Variants in TTLL11 observed in about 807,000 individuals in gnomAD.
TTLL11 encodes tubulin tyrosine ligase like 11.
In TTLL11, 42 loss-of-function variants were observed where a neutral mutation model predicts 51.7. The ratio of observed to expected loss-of-function variants is 0.81; its 90% CI spans 0.64 to 1.05. The LOEUF (loss-of-function observed/expected upper bound fraction) is 1.05, where lower values mean the gene tolerates loss of function less well. TTLL11 is among the 50% of genes least tolerant of loss of function. TTLL11 has a pLI of 0.00. For missense variants in TTLL11, 799 were observed against 940.4 expected, an observed-to-expected ratio of 0.85 and a Z score of 1.97; for synonymous variants, 381 against 383.5, an observed-to-expected ratio of 0.99 and a Z score of 0.08.
At chr9:121,928,666 C>T (rs1840840245) in intron 6 of TTLL11, among the ~76,000 whole-genome samples, 1 of 151,960 alleles carries the variant, frequency 6.6e-6, no homozygotes, top group Non-Finnish European at 1.5e-5. Context: ...TTCTTGATTT[C>T]CTGACCTCAT....
At chr9:121,891,942 T>C (rs1236695467) in intron 6 of TTLL11, among the ~76,000 whole-genome samples, 1 of 148,170 alleles carries the variant, frequency 6.7e-6, no homozygotes, top group Non-Finnish European at 1.5e-5. Flanking sequence ...TGATAATATA[T>C]ATACACATAT....
chr9:121,954,024 C>T (rs1190787751), intron 6 of TTLL11, among the ~76,000 whole-genome samples: 3 of 152,156 alleles, frequency 2.0e-5, no homozygotes, highest in African/African-American at 7.2e-5. Context: ...CAGAGCTGGC[C>T]GAGGGAGCTT....
At chr9:121,864,219 G>A (rs1453617183) in intron 7 of TTLL11, among the ~76,000 whole-genome samples, 1 of 152,214 alleles carries the variant, frequency 6.6e-6, no homozygotes, top group African/African-American at 2.4e-5. Flanking sequence ...GGCTTGGACA[G>A]CAATGAATTG....
chr9:122,047,110 G>A (rs1014208212), intron 1 of TTLL11, among the ~76,000 whole-genome samples: 2 of 152,126 alleles, frequency 1.3e-5, no homozygotes, highest in African/African-American at 4.8e-5. Flanking sequence ...GTCACATCTG[G>A]GGAGCCTGAG....
At chr9:121,984,920 G>T (rs1245839249) in intron 4 of TTLL11, among the ~76,000 whole-genome samples, 5 of 152,136 alleles carry the variant, frequency 3.3e-5, no homozygotes, top group Non-Finnish European at 7.4e-5. Context: ...CCTCAAGAAG[G>T]CTGACATGAG....
intron 6 of TTLL11, among the ~76,000 whole-genome samples, chr9:121,875,495 G>C (rs199687603): frequency 1.3e-5 from 2 of 152,142 alleles, no homozygotes; most frequent in East Asian, 3.9e-4. Flanking sequence ...ATAACCTCAC[G>C]ATGAAAAGAG....
chr9:122,025,190 A>G (rs555265738), intron 3 of TTLL11, among the ~76,000 whole-genome samples: 11 of 152,226 alleles, frequency 7.2e-5, no homozygotes, highest in South Asian at 2.1e-4. Context: ...GTGAACAGAC[A>G]TTTCATCAAA....
At chr9:122,011,777 A>AT (rs1843798295) in intron 3 of TTLL11, among the ~76,000 whole-genome samples, 1 of 152,224 alleles carries the variant, frequency 6.6e-6, no homozygotes, top group Non-Finnish European at 1.5e-5. Flanking sequence ...TAAGTCCAAA[A>AT]TTATGTCAAA....
intron 8 of TTLL11, among the ~76,000 whole-genome samples, chr9:121,852,001 T>A (rs908884387): frequency 6.6e-6 from 1 of 152,224 alleles, no homozygotes; most frequent in African/African-American, 2.4e-5. Flanking sequence ...CATCTTCATG[T>A]GCCTGTGACG....
At chr9:121,997,677 C>T (rs1421255220) in intron 3 of TTLL11, among the ~76,000 whole-genome samples, 1 of 152,174 alleles carries the variant, frequency 6.6e-6, no homozygotes, top group Non-Finnish European at 1.5e-5. Context: ...TCTTATGGTA[C>T]TATTTTTAGC....
intron 6 of TTLL11, among the ~76,000 whole-genome samples, chr9:121,930,782 T>C (rs1248493314): frequency 6.6e-6 from 1 of 152,220 alleles, no homozygotes; most frequent in African/African-American, 2.4e-5. Flanking sequence ...TGATACACTG[T>C]CCACGCCTCA....
intron 2 of TTLL11, among the ~76,000 whole-genome samples, chr9:122,035,642 A>T (rs751643524): frequency 1.3e-5 from 2 of 152,214 alleles, no homozygotes; most frequent in Non-Finnish European, 2.9e-5. Context: ...TTTCAGATCC[A>T]TCCTGTTCTC....
At chr9:121,888,730 G>A (rs1364104604) in intron 6 of TTLL11, among the ~76,000 whole-genome samples, 1 of 152,250 alleles carries the variant, frequency 6.6e-6, no homozygotes, top group Non-Finnish European at 1.5e-5. Flanking sequence ...AAATGGCATG[G>A]AAGTAGAAAA....
intron 3 of TTLL11, among the ~76,000 whole-genome samples, chr9:122,000,992 C>T (rs7042590): frequency 0.21 from 31,964 of 152,196 alleles, 3,699 homozygotes; most frequent in Non-Finnish European, 0.24. Context: ...ATCTCCACAG[C>T]TAAGTTATGA....
intron 4 of TTLL11, among the ~76,000 whole-genome samples, chr9:121,986,573 T>C (rs527843329): frequency 6.6e-6 from 1 of 152,154 alleles, no homozygotes; most frequent in Non-Finnish European, 1.5e-5. Context: ...GCATCCTCCC[T>C]GGGAACCAAA....
chr9:121,842,199 C>T (rs1837374631), intron 8 of TTLL11, among the ~76,000 whole-genome samples: 2 of 152,054 alleles, frequency 1.3e-5, no homozygotes, highest in Admixed American at 1.3e-4. Flanking sequence ...CAGAGTCCCT[C>T]ACATGTAAAA....
chr9:121,929,540 G>A (rs970964852), intron 6 of TTLL11, among the ~76,000 whole-genome samples: 2 of 152,196 alleles, frequency 1.3e-5, no homozygotes, highest in Non-Finnish European at 2.9e-5. Flanking sequence ...ATGGGGAAGG[G>A]TGGCCATGAC....
At chr9:122,043,837 T>C (rs1275786087) in intron 1 of TTLL11, among the ~76,000 whole-genome samples, 3 of 151,996 alleles carry the variant, frequency 2.0e-5, no homozygotes, top group Non-Finnish European at 4.4e-5. Context: ...TCAGAATATA[T>C]ATATATTTTT....
intron 3 of TTLL11, among the ~76,000 whole-genome samples, chr9:122,006,221 A>C (rs1017975188): frequency 3.9e-5 from 6 of 152,040 alleles, no homozygotes; most frequent in Non-Finnish European, 7.4e-5. Context: ...GGTGCCTGAA[A>C]TCCCAACTAC....
Sources: gnomAD v4.1 joint callset for allele counts (sites outside exome capture counted in the v4.1 genomes callset) on GRCh38, gnomAD v4.1.1 for gene constraint, MANE v1.5 for transcripts, NCBI Gene and HGNC (gene_info 2026-07-23, HGNC 2026-07-21) for gene names.